Variants in TRPM8 observed in about 807,000 individuals in gnomAD.
TRPM8 encodes the protein transient receptor potential cation channel subfamily M member 8.
In TRPM8, 110 loss-of-function variants were observed where a neutral mutation model predicts 133.7. The ratio of observed to expected loss-of-function variants is 0.82; its 90% CI spans 0.70 to 0.96. The LOEUF (loss-of-function observed/expected upper bound fraction) is 0.96, where lower values mean the gene tolerates loss of function less well. TRPM8 is among the 40% of genes least tolerant of loss of function. TRPM8 has a pLI of 0.00. For synonymous variants in TRPM8, 535 were observed against 532.3 expected, an observed-to-expected ratio of 1.01 and a Z score of -0.07; for missense variants, 1,291 against 1,379.5, an observed-to-expected ratio of 0.94 and a Z score of 1.02.
intron 22 of TRPM8, among the ~76,000 whole-genome samples, chr2:234,000,851 G>A (rs982699487): frequency 6.6e-6 from 1 of 152,110 alleles, no homozygotes. Context: ...GCTGGTTTTT[G>A]TATTTTTAGT....
At chr2:233,939,897 T>C (rs1690862791) in intron 5 of TRPM8, among the ~76,000 whole-genome samples, 1 of 152,196 alleles carries the variant, frequency 6.6e-6, no homozygotes, top group East Asian at 1.9e-4. Context: ...TTTTCTCACA[T>C]AACCCAGTAC....
At chr2:234,014,757 T>C (rs1692918133) in intron 25 of TRPM8, 103 bp downstream of exon 25, 1 of 470,840 alleles carries the variant, frequency 2.1e-6, no homozygotes. Context: ...TTCCATAAAT[T>C]ACCAAATTTG....
At chr2:233,991,785 G>A (rs1017816098) in intron 21 of TRPM8, among the ~76,000 whole-genome samples, 13 of 152,088 alleles carry the variant, frequency 8.5e-5, no homozygotes, top group African/African-American at 3.1e-4. Context: ...TGTTGTACAA[G>A]TTTCCCTCAT....
chr2:233,961,579 C>T (rs763433896), intron 12 of TRPM8, among the ~76,000 whole-genome samples: 2 of 150,444 alleles, frequency 1.3e-5, no homozygotes, highest in Non-Finnish European at 3.0e-5. Context: ...GCTGGGATTA[C>T]AGGCATAAGC....
chr2:233,945,860 A>G lies in TRPM8; in HGVS notation c.704A>G (p.Tyr235Cys), dbSNP rs748173975. The G allele has an allele frequency of 4.3e-6, 7 of 1,609,950 alleles. No homozygotes were observed. The highest frequency in any genetic ancestry group is 1.3e-5 in the African/African-American group (1 of 74,978). ...TLIRNCDAEGYFLAQYLMDDF... is the reference protein window; with the variant it reads ...TLIRNCDAEGCFLAQYLMDDF... ...AAGTTTCCCTGTACTTTTCAGGGCT[A>G]TTTTTTAGCCCAGTACCTTATGGAT... is the stretch of plus-strand genomic sequence containing the variant. The change falls in exon 7 of 26, where the codon TAT becomes TGT. Residue 235 changes from tyrosine (Y) to cysteine (C), a missense_variant. Coordinates refer to ENST00000324695, the MANE Select transcript of TRPM8 (RefSeq NM_024080.5).
At chr2:233,963,200 A>G in intron 12 of TRPM8, 82 bp from the exon 13 acceptor site, 1 of 841,470 alleles carries the variant, frequency 1.2e-6, no homozygotes, top group Non-Finnish European at 1.9e-6. Flanking sequence ...GAGCCCTCCA[A>G]ACATGGGCTA....
chr2:233,969,630 T>A, intron 15 of TRPM8, 65 bp from the exon 16 acceptor site: 1 of 962,178 alleles, frequency 1.0e-6, no homozygotes. Context: ...GAAGAAAGTT[T>A]GCATGGCATC....
chr2:233,941,744 G>T (rs1385297503), intron 5 of TRPM8, among the ~76,000 whole-genome samples: 2 of 152,108 alleles, frequency 1.3e-5, no homozygotes, highest in Non-Finnish European at 1.5e-5. Context: ...GCCCCCCGCC[G>T]CAATAAAACC....
rs989656318 is a variant in TRPM8 at position 233,980,394 on chromosome 2, A to C, written c.2447+115A>C. The C allele has an allele frequency of 9.0e-6, 6 of 664,640 alleles. No homozygotes were observed. In the Admixed American group the frequency reaches 1.4e-4, roughly 15 times the overall value. The allele number at this position is 664,640 out of a possible 1,614,324, so 41.2% of individuals were successfully genotyped here. ...TCTATTACTCATTAGAGATTATTACACAAGACCATGGTGTCTGCTTTATAG... is the reference window on the plus strand; with the variant it reads ...TCTATTACTCATTAGAGATTATTACCCAAGACCATGGTGTCTGCTTTATAG... On this transcript the variant is annotated intron_variant, in intron 18 of 25. Transcript: ENST00000324695.
intron 4 of TRPM8, among the ~76,000 whole-genome samples, chr2:233,938,661 T>C (rs926051287): frequency 2.6e-5 from 4 of 151,894 alleles, no homozygotes; most frequent in Admixed American, 1.3e-4. Flanking sequence ...TTCTTTTGAG[T>C]TTCTGATTAG....
At chr2:233,993,106 G>T (rs570398283) in intron 21 of TRPM8, among the ~76,000 whole-genome samples, 21 of 152,258 alleles carry the variant, frequency 1.4e-4, no homozygotes, top group African/African-American at 5.1e-4. Flanking sequence ...ATAAATCTCA[G>T]CCTAGCCAAT....
At chr2:233,917,696 T>C (rs1461678720) in intron 1 of TRPM8, among the ~76,000 whole-genome samples, 1 of 152,228 alleles carries the variant, frequency 6.6e-6, no homozygotes, top group Non-Finnish European at 1.5e-5. Context: ...TTAAATATAA[T>C]TACAGTTTTC....
In TRPM8 at chr2:233,996,390, G is replaced by A. The variant is rs1692403342; in HGVS notation, c.3004G>A (p.Val1002Met). ...QVWKFQRYFL[V>M]QEYCSRLNIP... is the part of the protein sequence containing the mutation. ...CTGGAAGTTCCAGAGGTACTTCCTGGTGCAGGAGTACTGCAGCCGCCTCAA... is the reference window on the plus strand; with the variant it reads ...CTGGAAGTTCCAGAGGTACTTCCTGATGCAGGAGTACTGCAGCCGCCTCAA... Residue 1002 changes from valine to methionine, a missense_variant, in exon 22 of 26, where the codon GTG becomes ATG. Physicochemically the swap from Val to Met is conservative, Grantham distance 21. This residue lies in a region of TRPM8 where 328 missense variants were observed against 410.6 expected (regional missense o/e 0.80). Coordinates refer to ENST00000324695, the MANE Select transcript of TRPM8 (RefSeq NM_024080.5). 2 of 1,614,166 alleles carry A rather than the reference G, an allele frequency of 1.2e-6. No individual in the cohort carries two copies. Among genetic ancestry groups the A allele is most frequent in the East Asian group, 4.5e-5 (2 of 44,880 alleles).
chr2:233,946,614 G>A (rs1475684247), intron 7 of TRPM8, among the ~76,000 whole-genome samples: 1 of 152,162 alleles, frequency 6.6e-6, no homozygotes, highest in Non-Finnish European at 1.5e-5. Context: ...TTTAATGATA[G>A]ACATAATGAC....
chr2:233,932,475 A>G (rs896473691), intron 3 of TRPM8, among the ~76,000 whole-genome samples: 1 of 152,144 alleles, frequency 6.6e-6, no homozygotes, highest in African/African-American at 2.4e-5. Context: ...ACAGTGGAAT[A>G]TGTTGATTGG....
At chr2:233,939,714 A>G (rs1161764963) in intron 5 of TRPM8, among the ~76,000 whole-genome samples, 1 of 152,216 alleles carries the variant, frequency 6.6e-6, no homozygotes, top group Non-Finnish European at 1.5e-5. Context: ...TGCAATGAAC[A>G]TCTGTACATT....
In TRPM8 at chr2:233,989,649, C is replaced by G. The variant is rs1692226677; in HGVS notation, c.2939+3784C>G. Reference sequence around the variant, plus strand: ...CCACATCAAAATACTCATTTAAAAGCTTAACCATACACAATGGCAACCTTA... The same window carrying G: ...CCACATCAAAATACTCATTTAAAAGGTTAACCATACACAATGGCAACCTTA... On this transcript the variant is annotated intron_variant, in intron 21 of 25. Coordinates refer to ENST00000324695, the MANE Select transcript of TRPM8 (RefSeq NM_024080.5). The surrounding 1 kb of genome is among the most constrained non-coding windows in gnomAD (Gnocchi z 4.2). Among the ~76,000 whole-genome samples, 1 of 152,210 alleles carries G rather than the reference C, an allele frequency of 6.6e-6. No individual in the cohort carries two copies. Among genetic ancestry groups the G allele is most frequent in the South Asian group, 2.1e-4 (1 of 4,832 alleles).
chr2:234,007,019 C>T, intron 23 of TRPM8, 67 bp downstream of exon 23: 1 of 1,243,802 alleles, frequency 8.0e-7, no homozygotes. Flanking sequence ...AGAACGTAGG[C>T]AGCTTATTTG....
intron 17 of TRPM8, among the ~76,000 whole-genome samples, chr2:233,976,686 A>C (rs1691881762): frequency 1.3e-5 from 2 of 152,106 alleles, no homozygotes; most frequent in South Asian, 4.1e-4. Flanking sequence ...TTAACTCAGC[A>C]ATCCTGGGTA....
Sources: allele counts gnomAD v4.1 joint callset (sites outside exome capture counted in the v4.1 genomes callset), GRCh38; gene constraint gnomAD v4.1.1; regional missense constraint gnomAD v4.1.1; non-coding constraint Gnocchi (gnomAD v3.1); transcripts MANE v1.5; gene names NCBI Gene and HGNC (gene_info 2026-07-23, HGNC 2026-07-21).